Variants in IMMP2L observed in about 807,000 individuals in gnomAD.
IMMP2L encodes the protein mitochondrial inner membrane protease subunit 2.
Under a neutral mutation model 19.3 loss-of-function variants are expected in IMMP2L, and 18 were observed. The observed-to-expected ratio is 0.93, with a 90% CI of 0.64 to 1.38. IMMP2L has a LOEUF of 1.38. Ranked by LOEUF, IMMP2L falls within the 40% of genes most tolerant of loss-of-function variation. The pLI is 0.00. For missense variants in IMMP2L, 233 were observed against 218.2 expected (o/e 1.07, Z -0.43); for synonymous variants, 76 against 73.0 (o/e 1.04, Z -0.21).
At chr7:111,509,420 T>A (rs543752228) in intron 2 of IMMP2L, among the ~76,000 whole-genome samples, 2 of 152,206 alleles carry the variant, frequency 1.3e-5, no homozygotes, top group South Asian at 4.1e-4. Context: ...CATTTAAAAT[T>A]TCAGAATCAA....
At chr7:110,901,811 A>G (rs943223100) in intron 4 of IMMP2L, among the ~76,000 whole-genome samples, 9 of 152,204 alleles carry the variant, frequency 5.9e-5, no homozygotes, top group Non-Finnish European at 1.0e-4. Context: ...TTTTTTAAAA[A>G]TGATGGCTTA....
intron 3 of IMMP2L, among the ~76,000 whole-genome samples, chr7:111,296,398 A>G (rs1821642669): frequency 6.6e-6 from 1 of 151,982 alleles, no homozygotes; most frequent in Non-Finnish European, 1.5e-5. Context: ...GAGAGGATAT[A>G]AAAATGGCAA....
chr7:111,105,098 G>C (rs1410835090), intron 3 of IMMP2L, among the ~76,000 whole-genome samples: 4 of 151,808 alleles, frequency 2.6e-5, no homozygotes, highest in Non-Finnish European at 5.9e-5. Context: ...AGGTCTCATT[G>C]AGACAAAAAT....
chr7:110,730,323 A>G (rs1796178452), intron 5 of IMMP2L, among the ~76,000 whole-genome samples: 1 of 152,058 alleles, frequency 6.6e-6, no homozygotes, highest in Non-Finnish European at 1.5e-5. Context: ...AGACTCGCTG[A>G]GTCTCCCGGC....
chr7:111,263,931 G>C (rs936546762), intron 3 of IMMP2L, among the ~76,000 whole-genome samples: 23 of 152,248 alleles, frequency 1.5e-4, no homozygotes, highest in African/African-American at 5.1e-4. Context: ...CATGCAGGTT[G>C]CTGGTGACCT....
intron 4 of IMMP2L, among the ~76,000 whole-genome samples, chr7:110,935,629 T>A (rs2129552292): frequency 6.6e-6 from 1 of 152,218 alleles, no homozygotes; most frequent in Middle Eastern, 3.4e-3. Flanking sequence ...CACTTTCAGG[T>A]ACACCAAAAA....
At chr7:111,428,005 C>CA (rs1836253026) in intron 3 of IMMP2L, among the ~76,000 whole-genome samples, 1 of 151,706 alleles carries the variant, frequency 6.6e-6, no homozygotes, top group Non-Finnish European at 1.5e-5. Context: ...TTCAATTTTT[C>CA]ATCTTTCATG....
rs1369598862 is a variant in IMMP2L, at chr7:111,430,385, T to C, written c.239+56853A>G. On this transcript the variant is annotated intron_variant, in intron 3 of 5. Coordinates refer to ENST00000405709, the MANE Select transcript of IMMP2L (RefSeq NM_032549.4). ...AAAAAATAAAAAGCATATAAATTTA[T>C]ACATTTTTAGGAAAAGCTAAAAATG... 3.3e-5 allele frequency among the ~76,000 whole-genome samples: 5 copies of C among 151,764 alleles called. No individual in the cohort carries two copies. In the South Asian group the frequency reaches 8.3e-4, roughly 25 times the overall value.
chr7:111,368,557 C>T (rs1829997265), intron 3 of IMMP2L, among the ~76,000 whole-genome samples: 1 of 151,902 alleles, frequency 6.6e-6, no homozygotes, highest in African/African-American at 2.4e-5. Flanking sequence ...CCAAGACCTT[C>T]CAGATCTGCC....
chr7:110,663,990 T>A (rs1179896231), intron 5 of IMMP2L, among the ~76,000 whole-genome samples: 1 of 152,164 alleles, frequency 6.6e-6, no homozygotes, highest in Non-Finnish European at 1.5e-5. Flanking sequence ...AGTATTTCCC[T>A]TTTAGAAATG....
chr7:110,979,590 G>A (rs907992352), intron 3 of IMMP2L, among the ~76,000 whole-genome samples: 1 of 151,962 alleles, frequency 6.6e-6, no homozygotes, highest in Non-Finnish European at 1.5e-5. Context: ...CATGGCACAT[G>A]TATACATATG....
At chr7:110,837,021 AT>A (rs1804550002) in intron 5 of IMMP2L, among the ~76,000 whole-genome samples, 4 of 152,150 alleles carry the variant, frequency 2.6e-5, no homozygotes. Context: ...GGGATTTTTC[AT>A]AAAAATTAAA....
chr7:110,744,771 G>C (rs1371754530), intron 5 of IMMP2L, among the ~76,000 whole-genome samples: 1 of 152,204 alleles, frequency 6.6e-6, no homozygotes, highest in Non-Finnish European at 1.5e-5. Context: ...ACCAAAGGTA[G>C]ATAAATCCAT....
intron 4 of IMMP2L, among the ~76,000 whole-genome samples, chr7:110,955,665 C>T (rs116191213): frequency 0.012 from 1,881 of 152,044 alleles, 31 homozygotes; most frequent in African/African-American, 0.042. Context: ...TACCCTCTGT[C>T]CTCAAAAGAA....
chr7:111,488,591 G>A (rs548084780), intron 2 of IMMP2L, among the ~76,000 whole-genome samples: 4 of 152,024 alleles, frequency 2.6e-5, no homozygotes, highest in Non-Finnish European at 4.4e-5. Context: ...TGGGCATTTG[G>A]GCTGGTTCCA....
intron 3 of IMMP2L, among the ~76,000 whole-genome samples, chr7:111,251,811 G>T (rs1040778804): frequency 6.6e-6 from 1 of 151,822 alleles, no homozygotes; most frequent in Non-Finnish European, 1.5e-5. Flanking sequence ...CTGGGTGATG[G>T]GTTTATCTGT....
In IMMP2L at chr7:110,924,110, T is replaced by C. The variant is rs1472067644; in HGVS notation, c.306-37415A>G. ...TGAAAAGTCTGACTTCTACCTAAAA[T>C]GCTCTTTTCCTCACTTTGTGATTTC... is the stretch of plus-strand genomic sequence containing the variant. On this transcript the variant is annotated intron_variant, in intron 4 of 5. Transcript: ENST00000405709. The surrounding 1 kb of genome is among the most constrained non-coding windows in gnomAD (Gnocchi z 4.2). Among the ~76,000 whole-genome samples, 1 of 152,200 alleles carries C rather than the reference T, an allele frequency of 6.6e-6. No homozygotes were observed. Among genetic ancestry groups the C allele is most frequent in the Non-Finnish European group, 1.5e-5 (1 of 68,038 alleles).
intron 4 of IMMP2L, among the ~76,000 whole-genome samples, chr7:110,936,783 AG>A (rs1403875208): frequency 2.0e-5 from 3 of 152,226 alleles, no homozygotes; most frequent in Non-Finnish European, 4.4e-5. Flanking sequence ...AAAACAGCAA[AG>A]GCTTGGAACC....
At chr7:111,001,055 C>T (rs1259503774) in intron 3 of IMMP2L, among the ~76,000 whole-genome samples, 2 of 152,234 alleles carry the variant, frequency 1.3e-5, no homozygotes, top group African/African-American at 4.8e-5. Flanking sequence ...CCATTTCATC[C>T]ACTTGTGTCA....
Sources: gnomAD v4.1 joint callset for allele counts (sites outside exome capture counted in the v4.1 genomes callset) on GRCh38, gnomAD v4.1.1 for gene constraint, Gnocchi (gnomAD v3.1) non-coding constraint, MANE v1.5 for transcripts, NCBI Gene and HGNC (gene_info 2026-07-23, HGNC 2026-07-21) for gene names.